WDR37: variants seen among roughly 807,000 people sequenced by gnomAD.
WDR37 encodes the protein WD repeat domain 37, also known as WD repeat-containing protein 37.
WDR37 carries 19 observed loss-of-function variants against 62.9 expected under a neutral mutation model. The ratio of observed to expected loss-of-function variants is 0.30; its 90% CI spans 0.21 to 0.44. The LOEUF is 0.44. WDR37 is among the 20% of genes least tolerant of loss of function. The probability of loss-of-function intolerance (pLI) is 1.00; values close to 1 mark genes in which losing one functional copy is unlikely to be tolerated. For missense variants in WDR37, 474 were observed against 657.6 expected (o/e 0.72, Z 3.05); for synonymous variants, 250 against 260.9 (o/e 0.96, Z 0.40).
chr10:1,077,443 CTG>C lies in WDR37; in HGVS notation c.139-461_139-460del, dbSNP rs1469490028. On this transcript the variant is annotated intron_variant, in intron 2 of 13. Coordinates refer to ENST00000263150, the MANE Select transcript of WDR37 (RefSeq NM_014023.4). ...GTTATGTCGAGTGATGGGAGAGTGA[CTG>C]TGCTTTTGCTTAAAGTGCAGTGGGT... Among the ~76,000 whole-genome samples the C allele has an allele frequency of 2.6e-5, 4 of 152,088 alleles. No individual in the cohort carries two copies. The East Asian group carries it at 5.8e-4, about 22-fold the overall frequency.
At chr10:1,090,007 C>T (rs1834333481) in intron 7 of WDR37, among the ~76,000 whole-genome samples, 1 of 152,202 alleles carries the variant, frequency 6.6e-6, no homozygotes, top group South Asian at 2.1e-4. Context: ...CACTATGTCA[C>T]CCAGGCTGAA....
intron 7 of WDR37, among the ~76,000 whole-genome samples, chr10:1,090,765 A>C (rs1182160239): frequency 6.6e-6 from 1 of 152,150 alleles, no homozygotes; most frequent in African/African-American, 2.4e-5. Context: ...ATTTTATGAC[A>C]GTTAAATGTG....
rs539635544 is a variant in WDR37, at chr10:1,090,563, C to G, written c.605-2889C>G. 3.9e-5 allele frequency among the ~76,000 whole-genome samples: 6 copies of G among 152,276 alleles called. No individual in the cohort carries two copies. The South Asian group carries it at 1.2e-3, about 32-fold the overall frequency. On this transcript the variant is annotated intron_variant, in intron 7 of 13. Transcript: ENST00000263150. ...CAAGGAGATGGTCTTGACCCTGAAT[C>G]ACACTCTGCCTCTTTCCTCTTGGGT... is the stretch of plus-strand genomic sequence containing the variant.
intron 2 of WDR37, among the ~76,000 whole-genome samples, chr10:1,077,661 T>C (rs1344658610): frequency 3.9e-5 from 6 of 152,240 alleles, no homozygotes; most frequent in Non-Finnish European, 8.8e-5. Context: ...GGAAAAATTG[T>C]GTTATTTTGA....
At chr10:1,086,417 A>T in intron 7 of WDR37, 60 bp downstream of exon 7, 1 of 1,390,818 alleles carries the variant, frequency 7.2e-7, no homozygotes, top group Admixed American at 1.8e-5. Flanking sequence ...GTGTGTTTTT[A>T]AAATCGTGCA....
intron 11 of WDR37, among the ~76,000 whole-genome samples, chr10:1,122,466 G>A (rs1835617504): frequency 6.6e-6 from 1 of 152,200 alleles, no homozygotes; most frequent in Admixed American, 6.5e-5. Context: ...ACTCTGCCCT[G>A]AAGTCAGACC....
At chr10:1,112,561 G>C (rs1394834370) in intron 11 of WDR37, among the ~76,000 whole-genome samples, 1 of 152,240 alleles carries the variant, frequency 6.6e-6, no homozygotes, top group African/African-American at 2.4e-5. Context: ...AAGGCAGAGA[G>C]GCTGAAAGCT....
At chr10:1,073,624 C>T (rs980212247) in intron 2 of WDR37, among the ~76,000 whole-genome samples, 1 of 152,182 alleles carries the variant, frequency 6.6e-6, no homozygotes, top group Admixed American at 6.5e-5. Flanking sequence ...GACTGGGTAG[C>T]TTAACAGACT....
At chr10:1,071,117 C>A (rs900771263) in intron 1 of WDR37, among the ~76,000 whole-genome samples, 3 of 152,192 alleles carry the variant, frequency 2.0e-5, no homozygotes, top group Non-Finnish European at 2.9e-5. Context: ...CGTATTTTTC[C>A]TTTACGCTGA....
intron 13 of WDR37, among the ~76,000 whole-genome samples, chr10:1,126,371 A>T (rs369169067): frequency 2.0e-5 from 3 of 147,236 alleles, no homozygotes; most frequent in South Asian, 2.2e-4. Flanking sequence ...GCGCCACTGC[A>T]CTCCAGCCTG....
intron 13 of WDR37, among the ~76,000 whole-genome samples, chr10:1,126,269 G>A (rs112901102): frequency 2.0e-3 from 311 of 152,068 alleles, no homozygotes; most frequent in Middle Eastern, 6.8e-3. Context: ...AGCCAGGCGT[G>A]GTGGCGGGCG....
At chr10:1,106,510 T>TTTTG (rs746898631) in intron 11 of WDR37, among the ~76,000 whole-genome samples, 23 of 152,176 alleles carry the variant, frequency 1.5e-4, no homozygotes, top group Middle Eastern at 3.4e-3. Context: ...AAATAGGACT[T>TTTTG]TTTGTTTGTT....
intron 11 of WDR37, among the ~76,000 whole-genome samples, chr10:1,114,253 G>A (rs571165674): frequency 3.9e-4 from 59 of 152,236 alleles, no homozygotes; most frequent in African/African-American, 1.2e-3. Flanking sequence ...CACCATGCCT[G>A]GCCCCAGTAA....
intron 7 of WDR37, among the ~76,000 whole-genome samples, chr10:1,088,170 C>T (rs574718924): frequency 1.3e-5 from 2 of 152,338 alleles, no homozygotes; most frequent in Admixed American, 1.3e-4. Context: ...AATGTTGTGG[C>T]TGGTTTAATC....
chr10:1,127,572 C>T lies in WDR37; in HGVS notation c.1354-1641C>T, dbSNP rs1033550475. 2.2e-4 allele frequency among the ~76,000 whole-genome samples: 34 copies of T among 152,128 alleles called. 1 individual carries two copies. The highest frequency in any genetic ancestry group is 2.0e-3 in the Admixed American group (31 of 15,264). On this transcript the variant is annotated intron_variant, in intron 13 of 13. Coordinates refer to ENST00000263150, the MANE Select transcript of WDR37 (RefSeq NM_014023.4). ...GAAAGGGACTGATTGAAAATATTTC[C>T]CTGTAGTGCTGGAGTAGGTGTCACT...
chr10:1,072,920 AAAG>A (rs964172642), intron 2 of WDR37, among the ~76,000 whole-genome samples: 4 of 152,170 alleles, frequency 2.6e-5, no homozygotes, highest in Admixed American at 6.5e-5. Flanking sequence ...AGTCTCAAGA[AAAG>A]AAGAGTATCA....
intron 1 of WDR37, among the ~76,000 whole-genome samples, chr10:1,066,951 A>G (rs909048451): frequency 2.6e-5 from 4 of 152,178 alleles, no homozygotes; most frequent in African/African-American, 9.7e-5. Flanking sequence ...ACTTACTATC[A>G]CGAGAACAGC....
At chr10:1,087,403 C>T (rs1031519591) in intron 7 of WDR37, among the ~76,000 whole-genome samples, 9 of 152,172 alleles carry the variant, frequency 5.9e-5, no homozygotes, top group Non-Finnish European at 1.3e-4. Context: ...CTTCAAATTT[C>T]CTCTTCAGAA....
chr10:1,123,996 T>G (rs1835664898), intron 11 of WDR37: 1 of 561,464 alleles, frequency 1.8e-6, no homozygotes, highest in Non-Finnish European at 3.1e-6. Context: ...TGGAATAGAG[T>G]AGAATGGACT....
Sources: gnomAD v4.1 joint callset for allele counts (sites outside exome capture counted in the v4.1 genomes callset) on GRCh38, gnomAD v4.1.1 for gene constraint, MANE v1.5 for transcripts, NCBI Gene and HGNC (gene_info 2026-07-23, HGNC 2026-07-21) for gene names.